Variants in PPFIA2 observed in about 807,000 individuals in gnomAD.
The protein encoded by PPFIA2 is liprin-alpha-2.
PPFIA2 carries 46 observed loss-of-function variants against 175.5 expected under a neutral mutation model. The observed-to-expected ratio is 0.26, with a 90% CI of 0.21 to 0.34. PPFIA2 has a LOEUF of 0.34. Among genes scored for constraint, PPFIA2 ranks in the 10% least tolerant of loss-of-function variants. The pLI, the probability that PPFIA2 is intolerant of heterozygous loss-of-function variation, is 1.00. For missense variants in PPFIA2, 1,179 were observed against 1,506.1 expected (o/e 0.78, Z 3.60); for synonymous variants, 568 against 511.4 (o/e 1.11, Z -1.49).
At chr12:81,536,363 A>G (rs1327788777) in intron 4 of PPFIA2, among the ~76,000 whole-genome samples, 5 of 151,628 alleles carry the variant, frequency 3.3e-5, no homozygotes, top group African/African-American at 9.7e-5. Context: ...TGAAACTTTT[A>G]TGGTGCTTTA....
chr12:81,559,280 G>A (rs1000137018), intron 4 of PPFIA2, among the ~76,000 whole-genome samples: 3 of 152,194 alleles, frequency 2.0e-5, no homozygotes, highest in Admixed American at 1.3e-4. Context: ...TAGAAACAGC[G>A]TGTGCATTTG....
chr12:81,344,214 C>T (rs2058649837), intron 19 of PPFIA2, among the ~76,000 whole-genome samples: 1 of 152,076 alleles, frequency 6.6e-6, no homozygotes, highest in Non-Finnish European at 1.5e-5. Context: ...GTACTCTCTC[C>T]TCTTGGGAAC....
intron 22 of PPFIA2, among the ~76,000 whole-genome samples, chr12:81,320,178 T>C (rs1383992969): frequency 2.0e-5 from 3 of 152,116 alleles, no homozygotes; most frequent in Admixed American, 6.6e-5. Context: ...ATATGTACAC[T>C]CTGAACCTGC....
At chr12:81,570,416 GTGT>G (rs1182118984) in intron 4 of PPFIA2, among the ~76,000 whole-genome samples, 4 of 152,116 alleles carry the variant, frequency 2.6e-5, no homozygotes, top group Non-Finnish European at 5.9e-5. Flanking sequence ...GACAAGTGCT[GTGT>G]TGCCAAATCG....
chr12:81,725,875 A>C (rs2080012285), intron 3 of PPFIA2, among the ~76,000 whole-genome samples: 2 of 151,024 alleles, frequency 1.3e-5, no homozygotes. Flanking sequence ...CTTTCCAGTA[A>C]TCAATACTAT....
intron 8 of PPFIA2, among the ~76,000 whole-genome samples, chr12:81,391,556 A>G (rs1031228780): frequency 3.3e-5 from 5 of 151,962 alleles, no homozygotes; most frequent in African/African-American, 9.7e-5. Context: ...TGTCATCACA[A>G]ACCCGGTAAT....
intron 4 of PPFIA2, among the ~76,000 whole-genome samples, chr12:81,465,930 AT>A (rs1225971618): frequency 2.0e-5 from 3 of 152,156 alleles, no homozygotes. Context: ...TATATGCAAT[AT>A]TTTTATTTTA....
chr12:81,510,759 T>A (rs1316109859), intron 4 of PPFIA2, among the ~76,000 whole-genome samples: 1 of 152,098 alleles, frequency 6.6e-6, no homozygotes, highest in Non-Finnish European at 1.5e-5. Context: ...ATGTACTAGT[T>A]TTGTATAGTC....
At chr12:81,751,191 G>A (rs947276348) in intron 3 of PPFIA2, among the ~76,000 whole-genome samples, 3 of 151,896 alleles carry the variant, frequency 2.0e-5, no homozygotes, top group African/African-American at 7.3e-5. Context: ...GGGGTACTCA[G>A]ATATTTATAA....
At chr12:81,322,906 C>T (rs1359306644) in intron 22 of PPFIA2, among the ~76,000 whole-genome samples, 1 of 152,028 alleles carries the variant, frequency 6.6e-6, no homozygotes, top group East Asian at 1.9e-4. Flanking sequence ...ATGCCTGGAT[C>T]AGAAAACAAA....
chr12:81,276,965 T>C (rs1359973797), intron 28 of PPFIA2, among the ~76,000 whole-genome samples: 2 of 152,182 alleles, frequency 1.3e-5, no homozygotes, highest in Admixed American at 6.5e-5. Flanking sequence ...ATAAAAATGA[T>C]ATACCATGTT....
intron 3 of PPFIA2, among the ~76,000 whole-genome samples, chr12:81,752,808 T>C (rs1044355547): frequency 6.6e-6 from 1 of 152,238 alleles, no homozygotes; most frequent in Non-Finnish European, 1.5e-5. Flanking sequence ...TTTAGTATAC[T>C]GTCTTTTAAG....
intron 4 of PPFIA2, among the ~76,000 whole-genome samples, chr12:81,562,256 A>T (rs1323163610): frequency 1.3e-5 from 2 of 152,208 alleles, no homozygotes; most frequent in Non-Finnish European, 2.9e-5. Context: ...TAAAAGTAGT[A>T]AGTTATAAGA....
chr12:81,328,162 A>G (rs375160573), intron 21 of PPFIA2, among the ~76,000 whole-genome samples: 1 of 152,202 alleles, frequency 6.6e-6, no homozygotes. Flanking sequence ...TTGATAAACT[A>G]GCTGGTAAGG....
At chr12:81,751,611 A>AAGAG (rs199650451) in intron 3 of PPFIA2, among the ~76,000 whole-genome samples, 1 of 150,338 alleles carries the variant, frequency 6.7e-6, no homozygotes, top group African/African-American at 2.4e-5. Flanking sequence ...GTAAGAGAGA[A>AAGAG]AGAGAGAGAG....
At chr12:81,268,785 C>T (rs149538391) in intron 28 of PPFIA2, among the ~76,000 whole-genome samples, 1 of 152,070 alleles carries the variant, frequency 6.6e-6, no homozygotes, top group Admixed American at 6.5e-5. Flanking sequence ...AAACAGCAGA[C>T]GAGATTGTAA....
intron 4 of PPFIA2, among the ~76,000 whole-genome samples, chr12:81,493,787 T>TAGACAC (rs1491517743): frequency 6.4e-4 from 82 of 128,356 alleles, no homozygotes; most frequent in African/African-American, 2.5e-3. Flanking sequence ...TATATATATA[T>TAGACAC]ACACATTGGA....
In PPFIA2 at chr12:81,362,719, G is replaced by T. The variant is rs2031344745; in HGVS notation, c.1611C>A (p.Gly537=). ...TTGGTATTGTGGGTTCAATTAAAGA[G>T]CCAGTTCTCATTTTCAATTGGTCAA... ...SELDQLKMRT[G]SLIEPTIPRT... is the part of the protein sequence containing the mutation. Residue 537 remains glycine, a synonymous_variant, in exon 15 of 33, where the codon GGC becomes GGA. Coordinates refer to ENST00000549396, the MANE Select transcript of PPFIA2 (RefSeq NM_003625.5). 1 of 1,546,712 alleles carries T rather than the reference G, an allele frequency of 6.5e-7. No homozygotes were observed. Among genetic ancestry groups the T allele is most frequent in the Non-Finnish European group, 8.7e-7 (1 of 1,143,100 alleles).
intron 24 of PPFIA2, 130 bp from the exon 25 acceptor site, chr12:81,284,433 A>G (rs2042799640): frequency 4.5e-6 from 3 of 667,732 alleles, no homozygotes; most frequent in Non-Finnish European, 8.0e-6. Context: ...TACCGTGTGC[A>G]TGAAAGAGAC....
Sources: allele counts gnomAD v4.1 joint callset (sites outside exome capture counted in the v4.1 genomes callset), GRCh38; gene constraint gnomAD v4.1.1; transcripts MANE v1.5; gene names NCBI Gene and HGNC (gene_info 2026-07-23, HGNC 2026-07-21).